The following RNF4 variants were observed in gnomAD, a reference collection of about 807,000 sequenced individuals.
RNF4 encodes ring finger protein 4, also known as E3 ubiquitin-protein ligase RNF4.
In RNF4, 7 loss-of-function variants were observed where a neutral mutation model predicts 24.3. The ratio of observed to expected loss-of-function variants is 0.29; its 90% CI spans 0.16 to 0.54. The LOEUF is 0.54. RNF4 is among the 20% of genes least tolerant of loss of function. The pLI is 0.95. For synonymous variants in RNF4, 83 were observed against 84.3 expected, an observed-to-expected ratio of 0.98 and a Z score of 0.09; for missense variants, 209 against 248.5, an observed-to-expected ratio of 0.84 and a Z score of 1.07.
intron 4 of RNF4, among the ~76,000 whole-genome samples, chr4:2,506,761 G>A (rs1736114041): frequency 1.3e-5 from 2 of 152,082 alleles, no homozygotes; most frequent in South Asian, 2.1e-4. Flanking sequence ...GGAGAGACAA[G>A]GTCTTACCGT....
At chr4:2,486,982 G>A (rs704354) in intron 1 of RNF4, among the ~76,000 whole-genome samples, 29,615 of 152,118 alleles carry the variant, frequency 0.19, 3,223 homozygotes, top group East Asian at 0.38. Context: ...TGGGACTGTC[G>A]TGTGGTCTGA....
At chr4:2,503,204 T>C (rs1052632247) in intron 4 of RNF4, among the ~76,000 whole-genome samples, 2 of 152,174 alleles carry the variant, frequency 1.3e-5, no homozygotes, top group Non-Finnish European at 2.9e-5. Context: ...ACTAAGCTGC[T>C]CTTGCTAAAA....
chr4:2,498,887 TAAAAAATA>T (rs1164189485), intron 3 of RNF4, among the ~76,000 whole-genome samples: 1 of 151,728 alleles, frequency 6.6e-6, no homozygotes, highest in Non-Finnish European at 1.5e-5. Context: ...AGACCCCACC[TAAAAAATA>T]AATAAAAGAA....
chr4:2,514,736 A>C lies in RNF4; in HGVS notation c.*917A>C, dbSNP rs2108782010. ...CTGCCTAACGTCTGCCCCCGTGTAGATACTGAGAGGTGGTGGCAGTAATTG... is the reference window on the plus strand; with the variant it reads ...CTGCCTAACGTCTGCCCCCGTGTAGCTACTGAGAGGTGGTGGCAGTAATTG... On this transcript the variant is annotated 3_prime_UTR_variant, in exon 8 of 8. Coordinates refer to ENST00000314289, the MANE Select transcript of RNF4 (RefSeq NM_002938.5). The C allele has an allele frequency of 6.5e-6, 1 of 152,750 alleles. No homozygotes were observed. Among genetic ancestry groups the C allele is most frequent in the Middle Eastern group, 3.4e-3 (1 of 294 alleles). 9.5% of individuals were successfully genotyped at this position (152,750 alleles called of 1,614,324 possible).
chr4:2,475,648 T>A (rs1735048561), intron 1 of RNF4, among the ~76,000 whole-genome samples: 2 of 152,194 alleles, frequency 1.3e-5, no homozygotes, highest in African/African-American at 4.8e-5. Flanking sequence ...CACACCTGGC[T>A]AATTTTTAAC....
At chr4:2,471,620 G>C (rs1456615853) in intron 1 of RNF4, among the ~76,000 whole-genome samples, 1 of 152,228 alleles carries the variant, frequency 6.6e-6, no homozygotes, top group Non-Finnish European at 1.5e-5. Flanking sequence ...AGTTAGCCAA[G>C]TTGTGAATGC....
intron 1 of RNF4, among the ~76,000 whole-genome samples, chr4:2,470,580 T>C (rs1177065942): frequency 2.6e-5 from 4 of 152,262 alleles, no homozygotes; most frequent in African/African-American, 9.6e-5. Flanking sequence ...TTTTCTAATC[T>C]TCATGAAATC....
At chr4:2,483,344 C>T (rs1427080684) in intron 1 of RNF4, among the ~76,000 whole-genome samples, 1 of 152,192 alleles carries the variant, frequency 6.6e-6, no homozygotes, top group Non-Finnish European at 1.5e-5. Flanking sequence ...CACTGAGGCA[C>T]AGAAGGCAAG....
chr4:2,504,745 T>TAG, intron 4 of RNF4, among the ~76,000 whole-genome samples: 1 of 146,088 alleles, frequency 6.8e-6, no homozygotes, highest in Non-Finnish European at 1.5e-5. Context: ...TTTTTTTTTT[T>TAG]TTGAGACAGA....
chr4:2,470,578 T>G (rs1320323659), intron 1 of RNF4, among the ~76,000 whole-genome samples: 1 of 152,266 alleles, frequency 6.6e-6, no homozygotes, highest in South Asian at 2.1e-4. Flanking sequence ...GTTTTTCTAA[T>G]CTTCATGAAA....
intron 1 of RNF4, among the ~76,000 whole-genome samples, chr4:2,473,009 C>T (rs1041784222): frequency 6.6e-6 from 1 of 151,650 alleles, no homozygotes; most frequent in African/African-American, 2.4e-5. Context: ...CACTGCACTC[C>T]AGCCTGGGCA....
chr4:2,487,940 G>C (rs1735459809), intron 1 of RNF4, among the ~76,000 whole-genome samples: 1 of 152,172 alleles, frequency 6.6e-6, no homozygotes, highest in Non-Finnish European at 1.5e-5. Context: ...AGCTCAGCTG[G>C]GACGGCGGTC....
At chr4:2,490,686 C>G (rs576197654) in intron 2 of RNF4, 184 bp downstream of exon 2, 9 of 588,312 alleles carry the variant, frequency 1.5e-5, no homozygotes, top group Admixed American at 1.5e-4. Flanking sequence ...GAGCTACATT[C>G]GAGTCATAAA....
intron 1 of RNF4, among the ~76,000 whole-genome samples, chr4:2,473,811 GA>G (rs1011929468): frequency 8.1e-5 from 12 of 147,952 alleles, no homozygotes; most frequent in East Asian, 2.0e-4. Context: ...ACTCTGTCTA[GA>G]AAAAAAAAAG....
In RNF4 at chr4:2,512,455, A is replaced by T. The variant is rs748627129; in HGVS notation, c.232A>T (p.Arg78Trp). The T allele has an allele frequency of 1.2e-6, 2 of 1,612,042 alleles. No individual in the cohort carries two copies. Among genetic ancestry groups the T allele is most frequent in the Non-Finnish European group, 1.7e-6 (2 of 1,179,040 alleles). ...TACCTTAGAAAGAAGAAGACCAAGG[A>T]GGAATGCTAGGAGGCTGCCCCAGGA... ...VIVDERRRPR[R>W]NARRLPQDHA... Residue 78 changes from arginine (R) to tryptophan (W), a missense_variant, in exon 6 of 8, where the codon AGG (arginine) becomes TGG (tryptophan). Physicochemically the swap from Arg to Trp is moderately radical, Grantham distance 101. Transcript: ENST00000314289. This position sits in a 1 kb window ranked among gnomAD's most constrained non-coding sequence, Gnocchi z 4.1.
At chr4:2,482,660 C>T (rs1424317924) in intron 1 of RNF4, among the ~76,000 whole-genome samples, 3 of 152,292 alleles carry the variant, frequency 2.0e-5, no homozygotes, top group East Asian at 1.9e-4. Context: ...GCAGCTTAAT[C>T]GGGGCCATAA....
At chr4:2,507,444 A>T (rs1197646509) in intron 4 of RNF4, among the ~76,000 whole-genome samples, 1 of 152,240 alleles carries the variant, frequency 6.6e-6, no homozygotes, top group Non-Finnish European at 1.5e-5. Flanking sequence ...AGTAACAGGC[A>T]TCAGTAACTG....
intron 1 of RNF4, among the ~76,000 whole-genome samples, chr4:2,489,574 A>G (rs1217269415): frequency 1.3e-5 from 2 of 152,304 alleles, no homozygotes; most frequent in South Asian, 2.1e-4. Context: ...ATACAGGCTC[A>G]TGCTTGAGAA....
chr4:2,505,453 G>A (rs1358025269), intron 4 of RNF4: 1 of 151,728 alleles, frequency 6.6e-6, no homozygotes, highest in Non-Finnish European at 1.5e-5. Flanking sequence ...AGCCTCCAGA[G>A]TAGCTGGGAC....
Sources: gnomAD v4.1 joint callset for allele counts (sites outside exome capture counted in the v4.1 genomes callset) on GRCh38, gnomAD v4.1.1 for gene constraint, Gnocchi (gnomAD v3.1) non-coding constraint, MANE v1.5 for transcripts, NCBI Gene and HGNC (gene_info 2026-07-23, HGNC 2026-07-21) for gene names.